SOX5: variants seen among roughly 807,000 people sequenced by gnomAD.
SOX5 encodes transcription factor SOX-5.
In SOX5, 9 loss-of-function variants were observed where a neutral mutation model predicts 92.0. The observed-to-expected ratio is 0.10, with a 90% CI of 0.06 to 0.17. The LOEUF (loss-of-function observed/expected upper bound fraction) is 0.17. Ranked by LOEUF, SOX5 falls within the 10% of genes least tolerant of loss-of-function variation. SOX5 has a pLI of 1.00. For synonymous variants in SOX5, 344 were observed against 336.3 expected, an observed-to-expected ratio of 1.02 and a Z score of -0.25; for missense variants, 642 against 944.5, an observed-to-expected ratio of 0.68 and a Z score of 4.20.
At chr12:24,112,149 T>A (rs115824666) in intron 4 of SOX5, among the ~76,000 whole-genome samples, 1 of 152,306 alleles carries the variant, frequency 6.6e-6, no homozygotes, top group African/African-American at 2.4e-5. Flanking sequence ...TTAAATGATT[T>A]TGCTATTGGA....
intron 1 of SOX5, among the ~76,000 whole-genome samples, chr12:24,491,889 G>GT (rs1408775381): frequency 2.0e-5 from 3 of 150,952 alleles, no homozygotes; most frequent in East Asian, 4.0e-4. Flanking sequence ...GTTTTGTTTT[G>GT]TTTTTTTAAG....
chr12:24,206,828 C>G (rs1249718213), intron 4 of SOX5, among the ~76,000 whole-genome samples: 2 of 152,158 alleles, frequency 1.3e-5, no homozygotes, highest in African/African-American at 4.8e-5. Flanking sequence ...TGTATTTTCC[C>G]CAGGGAAATC....
intron 3 of SOX5, among the ~76,000 whole-genome samples, chr12:24,268,326 A>G (rs1943273790): frequency 6.6e-6 from 1 of 152,192 alleles, no homozygotes. Context: ...TTATAAGGGT[A>G]TGGTAGCATT....
intron 1 of SOX5, among the ~76,000 whole-genome samples, chr12:23,918,529 A>T (rs1270758637): frequency 2.0e-5 from 3 of 152,170 alleles, no homozygotes; most frequent in Non-Finnish European, 4.4e-5. Flanking sequence ...TTATTTGTTG[A>T]TTATTTTTCT....
chr12:23,850,078 C>T (rs1198334967), intron 2 of SOX5, among the ~76,000 whole-genome samples: 3 of 152,104 alleles, frequency 2.0e-5, no homozygotes, highest in African/African-American at 7.2e-5. Context: ...TACTTTGGTG[C>T]TCAACAAGTT....
At chr12:24,557,632 C>G (rs989479693) in intron 1 of SOX5, among the ~76,000 whole-genome samples, 1 of 152,072 alleles carries the variant, frequency 6.6e-6, no homozygotes, top group Non-Finnish European at 1.5e-5. Flanking sequence ...AACTGCGTAT[C>G]AAACTAAAGT....
At chr12:24,203,486 T>A (rs1957733247) in intron 4 of SOX5, among the ~76,000 whole-genome samples, 1 of 152,230 alleles carries the variant, frequency 6.6e-6, no homozygotes, top group Admixed American at 6.5e-5. Flanking sequence ...GCTGGGAATA[T>A]TTAAATGAAC....
chr12:24,133,314 T>C (rs1057103960), intron 4 of SOX5, among the ~76,000 whole-genome samples: 5 of 152,210 alleles, frequency 3.3e-5, no homozygotes, highest in Non-Finnish European at 7.3e-5. Context: ...TCCAGGGTAA[T>C]AGTTTTACAA....
chr12:24,114,573 C>CAA (rs55913110), intron 4 of SOX5, among the ~76,000 whole-genome samples: 9,552 of 40,536 alleles, frequency 0.24, 2,375 homozygotes, highest in Non-Finnish European at 0.3. Flanking sequence ...CACCCCGTCA[C>CAA]AAAAAAAAAA....
intron 1 of SOX5, among the ~76,000 whole-genome samples, chr12:24,532,867 G>A (rs192015142): frequency 4.1e-4 from 63 of 152,256 alleles, no homozygotes; most frequent in African/African-American, 1.3e-3. Context: ...TTTTCAAAGC[G>A]AGCGTCATAA....
chr12:23,700,100 C>T (rs1219332242), intron 6 of SOX5, among the ~76,000 whole-genome samples: 1 of 152,174 alleles, frequency 6.6e-6, no homozygotes, highest in Non-Finnish European at 1.5e-5. Context: ...CAGACCAGAA[C>T]TGCTCTGTAA....
intron 2 of SOX5, among the ~76,000 whole-genome samples, chr12:23,864,337 T>C (rs977659630): frequency 3.3e-5 from 5 of 152,134 alleles, no homozygotes; most frequent in Non-Finnish European, 7.4e-5. Flanking sequence ...AACCATACAA[T>C]GGCCTCTAAG....
intron 1 of SOX5, among the ~76,000 whole-genome samples, chr12:24,512,397 CCAGAA>C (rs1293578423): frequency 3.3e-5 from 5 of 152,300 alleles, no homozygotes; most frequent in South Asian, 4.1e-4. Flanking sequence ...TCCATTGTCA[CCAGAA>C]CAGAAGTTTA....
chr12:23,544,935 T>C (rs1377759601), intron 12 of SOX5, among the ~76,000 whole-genome samples: 2 of 152,190 alleles, frequency 1.3e-5, no homozygotes, highest in East Asian at 3.8e-4. Flanking sequence ...AAATGAACAT[T>C]ATGTGTCTTC....
At chr12:23,735,868 A>G (rs1317706340) in intron 5 of SOX5, among the ~76,000 whole-genome samples, 1 of 152,128 alleles carries the variant, frequency 6.6e-6, no homozygotes, top group African/African-American at 2.4e-5. Flanking sequence ...CTGTGACTTT[A>G]TATTTGTTTA....
chr12:24,421,101 T>G (rs542024949), intron 1 of SOX5, among the ~76,000 whole-genome samples: 2 of 152,322 alleles, frequency 1.3e-5, no homozygotes, highest in South Asian at 4.1e-4. Context: ...AATTGGATTA[T>G]AAAACATAAT....
chr12:24,283,316 C>A (rs1945440616), intron 2 of SOX5, among the ~76,000 whole-genome samples: 1 of 152,208 alleles, frequency 6.6e-6, no homozygotes, highest in Admixed American at 6.5e-5. Flanking sequence ...ACAGGTATCT[C>A]TTAGAATCCT....
At chr12:24,420,652 C>G (rs1965769736) in intron 1 of SOX5, among the ~76,000 whole-genome samples, 1 of 152,004 alleles carries the variant, frequency 6.6e-6, no homozygotes, top group Non-Finnish European at 1.5e-5. Context: ...AAATAGTAGA[C>G]TGAGAAGTAA....
intron 9 of SOX5, among the ~76,000 whole-genome samples, chr12:23,580,840 T>A (rs1949938717): frequency 6.6e-6 from 1 of 151,896 alleles, no homozygotes; most frequent in African/African-American, 2.4e-5. Context: ...CCAATGAAAA[T>A]TTGCAACAGA....
Sources: allele counts gnomAD v4.1 joint callset (sites outside exome capture counted in the v4.1 genomes callset), GRCh38; gene constraint gnomAD v4.1.1; transcripts MANE v1.5; gene names NCBI Gene and HGNC (gene_info 2026-07-23, HGNC 2026-07-21).